The following SGCZ variants were observed in gnomAD, a reference collection of about 807,000 sequenced individuals.
SGCZ encodes the protein sarcoglycan zeta, also known as zeta-sarcoglycan.
A neutral mutation model predicts 41.3 loss-of-function variants in SGCZ; 40 were observed. The observed-to-expected ratio is 0.97, with a 90% CI of 0.75 to 1.26. The LOEUF is 1.26. SGCZ is among the 50% of genes most tolerant of loss of function. SGCZ has a pLI of 0.00. For missense variants in SGCZ, 552 were observed against 369.8 expected (o/e 1.49, Z -4.04); for synonymous variants, 206 against 137.5 (o/e 1.50, Z -3.49).
At chr8:14,433,878 G>T (rs575054899) in intron 2 of SGCZ, among the ~76,000 whole-genome samples, 43 of 152,276 alleles carry the variant, frequency 2.8e-4, no homozygotes, top group South Asian at 6.2e-4. Context: ...TGAGAATGAT[G>T]TTAATGTCAC....
intron 1 of SGCZ, among the ~76,000 whole-genome samples, chr8:15,156,460 G>T (rs968356515): frequency 6.6e-6 from 1 of 152,192 alleles, no homozygotes; most frequent in African/African-American, 2.4e-5. Flanking sequence ...CTCTTGGATA[G>T]AATGTACTTG....
chr8:14,823,123 T>C (rs1055021361), intron 1 of SGCZ, among the ~76,000 whole-genome samples: 3 of 146,472 alleles, frequency 2.0e-5, no homozygotes, highest in Non-Finnish European at 4.5e-5. Flanking sequence ...GTGAAGCTAT[T>C]AGAAATAAAA....
At chr8:14,254,805 G>C (rs1225001419) in intron 3 of SGCZ, among the ~76,000 whole-genome samples, 11 of 152,068 alleles carry the variant, frequency 7.2e-5, no homozygotes, top group Non-Finnish European at 1.3e-4. Flanking sequence ...CTAAATGTGA[G>C]TGATCAATTT....
At chr8:15,188,177 G>A (rs1800408710) in intron 1 of SGCZ, among the ~76,000 whole-genome samples, 1 of 151,906 alleles carries the variant, frequency 6.6e-6, no homozygotes, top group African/African-American at 2.4e-5. Flanking sequence ...TTCATTCATT[G>A]GAGTATTGTA....
Position 14,727,791 on chromosome 8 carries a change from A to T in SGCZ, c.40-172865T>A, listed in dbSNP as rs571196081. On this transcript the variant is annotated intron_variant, in intron 1 of 7. Transcript: ENST00000382080. ...CCTCCCAAAGTGCTGGGCGTGAGCC[A>T]CCGCGCCCAGCCAATAATGTTCTTT... Among the ~76,000 whole-genome samples the T allele has an allele frequency of 7.0e-4, 106 of 152,138 alleles. 1 individual carries two copies. Among genetic ancestry groups the T allele is most frequent in the African/African-American group, 2.6e-3 (106 of 41,518 alleles).
chr8:14,609,057 C>A (rs1329847307), intron 1 of SGCZ, among the ~76,000 whole-genome samples: 1 of 152,066 alleles, frequency 6.6e-6, no homozygotes, highest in Non-Finnish European at 1.5e-5. Flanking sequence ...AAAAAGCAAT[C>A]AAATATTTGT....
chr8:14,514,359 C>A (rs980840592), intron 2 of SGCZ, among the ~76,000 whole-genome samples: 2 of 151,978 alleles, frequency 1.3e-5, no homozygotes, highest in African/African-American at 4.8e-5. Context: ...ACTTGAATAA[C>A]AAACTACTTA....
chr8:14,156,726 T>C (rs774642115), intron 5 of SGCZ, among the ~76,000 whole-genome samples: 4 of 152,134 alleles, frequency 2.6e-5, no homozygotes, highest in African/African-American at 9.7e-5. Context: ...TAAAAAACAT[T>C]TTTGCTAAAC....
intron 5 of SGCZ, among the ~76,000 whole-genome samples, chr8:14,122,341 C>T (rs973612548): frequency 6.6e-6 from 1 of 152,188 alleles, no homozygotes; most frequent in African/African-American, 2.4e-5. Context: ...GGAACATTCT[C>T]ATTCACTGCC....
At chr8:15,198,212 G>A (rs1223290022) in intron 1 of SGCZ, among the ~76,000 whole-genome samples, 2 of 151,638 alleles carry the variant, frequency 1.3e-5, no homozygotes, top group Non-Finnish European at 2.9e-5. Flanking sequence ...CTAAGCAAGT[G>A]TAGCTAAAAA....
At chr8:14,219,898 T>C (rs1806133518) in intron 4 of SGCZ, among the ~76,000 whole-genome samples, 2 of 152,164 alleles carry the variant, frequency 1.3e-5, no homozygotes, top group Admixed American at 6.5e-5. Flanking sequence ...ATGCAGAAAA[T>C]GCTTTTCAAG....
At chr8:15,099,924 AG>A (rs1806538035) in intron 1 of SGCZ, among the ~76,000 whole-genome samples, 3 of 148,296 alleles carry the variant, frequency 2.0e-5, no homozygotes, top group African/African-American at 7.5e-5. Flanking sequence ...AAAAACTCTC[AG>A]CAAAATTAGG....
intron 1 of SGCZ, 120 bp from the exon 2 acceptor site, chr8:14,555,046 A>G (rs1585075864): frequency 1.2e-6 from 1 of 824,944 alleles, no homozygotes; most frequent in East Asian, 2.6e-5. Context: ...GGCAGTGAGC[A>G]TTCAAATAAC....
intron 1 of SGCZ, among the ~76,000 whole-genome samples, chr8:14,578,225 T>G (rs1254401113): frequency 6.6e-6 from 1 of 152,182 alleles, no homozygotes; most frequent in East Asian, 1.9e-4. Context: ...TAGCCATCAG[T>G]TGACTCAACC....
chr8:14,650,194 C>T lies in SGCZ; in HGVS notation c.40-95268G>A, dbSNP rs190460726. ...AATCCCTCAAAACTACTGGAGTTAA[C>T]ACTGGATAACAGACACTACAGCCAG... On this transcript the variant is annotated intron_variant, in intron 1 of 7. Transcript: ENST00000382080. 2.6e-5 allele frequency among the ~76,000 whole-genome samples: 4 copies of T among 152,060 alleles called. No individual in the cohort carries two copies. The East Asian group carries it at 7.7e-4, about 29-fold the overall frequency.
rs750383870 is a variant in SGCZ at position 14,821,575 on chromosome 8, T to C, written c.40-266649A>G. Among the ~76,000 whole-genome samples the C allele has an allele frequency of 3.2e-4, 48 of 152,156 alleles. No homozygotes were observed. In the Middle Eastern group the frequency reaches 0.01, roughly 32 times the overall value. ...GATGTAAAAATTATCAGCAAGATAT[T>C]AGCCTACCAAATCCAATAGCACATT... On this transcript the variant is annotated intron_variant, in intron 1 of 7. Transcript: ENST00000382080.
chr8:14,370,391 G>T (rs1803868515), intron 2 of SGCZ, among the ~76,000 whole-genome samples: 1 of 151,620 alleles, frequency 6.6e-6, no homozygotes, highest in African/African-American at 2.4e-5. Flanking sequence ...AACAACTATT[G>T]AATATCAGAT....
intron 4 of SGCZ, among the ~76,000 whole-genome samples, chr8:14,231,160 A>AGTGTGCGTGTGTGTGT (rs1806552607): frequency 8.9e-6 from 1 of 112,036 alleles, no homozygotes. Flanking sequence ...TCTTTGGGCA[A>AGTGTGCGTGTGTGTGT]GTGTGTGTGT....
chr8:14,104,419 A>G (rs866142954), intron 6 of SGCZ, among the ~76,000 whole-genome samples: 4 of 106,438 alleles, frequency 3.8e-5, no homozygotes, highest in Middle Eastern at 4.6e-3. Flanking sequence ...GTGTTATGCA[A>G]CTATCAAATT....
Sources: allele counts gnomAD v4.1 joint callset (sites outside exome capture counted in the v4.1 genomes callset), GRCh38; gene constraint gnomAD v4.1.1; transcripts MANE v1.5; gene names NCBI Gene and HGNC (gene_info 2026-07-23, HGNC 2026-07-21).